DENND5B: variants seen among roughly 807,000 people sequenced by gnomAD.
DENND5B encodes DENN domain-containing protein 5B.
In DENND5B, 34 loss-of-function variants were observed where a neutral mutation model predicts 140.6. The observed-to-expected ratio is 0.24, with a 90% CI of 0.18 to 0.32. The LOEUF (loss-of-function observed/expected upper bound fraction) is 0.32. Ranked by LOEUF, DENND5B falls within the 10% of genes least tolerant of loss-of-function variation. The probability of loss-of-function intolerance (pLI) is 1.00; values close to 1 mark genes in which losing one functional copy is unlikely to be tolerated. For synonymous variants in DENND5B, 551 were observed against 562.1 expected (o/e 0.98, Z 0.28); for missense variants, 1,142 against 1,560.2 (o/e 0.73, Z 4.52).
intron 11 of DENND5B, among the ~76,000 whole-genome samples, chr12:31,418,589 C>T (rs929025890): frequency 1.3e-5 from 2 of 151,852 alleles, no homozygotes; most frequent in Non-Finnish European, 2.9e-5. Context: ...CCATCACACC[C>T]GGCCACAGCT....
intron 1 of DENND5B, among the ~76,000 whole-genome samples, chr12:31,565,719 G>C (rs1397934679): frequency 6.6e-6 from 1 of 152,176 alleles, no homozygotes; most frequent in African/African-American, 2.4e-5. Flanking sequence ...GCCTGGATTT[G>C]GACCCAGAAG....
At chr12:31,558,166 T>C (rs1419473844) in intron 1 of DENND5B, among the ~76,000 whole-genome samples, 1 of 152,200 alleles carries the variant, frequency 6.6e-6, no homozygotes, top group Non-Finnish European at 1.5e-5. Flanking sequence ...TCTAAAATAA[T>C]GTAGACGTGT....
At chr12:31,532,781 C>A (rs182208393) in intron 1 of DENND5B, among the ~76,000 whole-genome samples, 83 of 152,298 alleles carry the variant, frequency 5.4e-4, no homozygotes, top group Admixed American at 5.4e-3. Flanking sequence ...TGTTCAAAAA[C>A]GGAAGGCTGG....
chr12:31,528,869 A>G (rs1331132002), intron 1 of DENND5B, among the ~76,000 whole-genome samples: 2 of 152,126 alleles, frequency 1.3e-5, no homozygotes, highest in African/African-American at 4.8e-5. Context: ...GGATCATATT[A>G]AAGTCATGAG....
intron 7 of DENND5B, among the ~76,000 whole-genome samples, chr12:31,439,550 C>T (rs1299910913): frequency 6.6e-6 from 1 of 151,740 alleles, no homozygotes; most frequent in Non-Finnish European, 1.5e-5. Context: ...TTAATAAACT[C>T]GTGGTGACTA....
chr12:31,488,689 C>T (rs1311752898), intron 2 of DENND5B, among the ~76,000 whole-genome samples: 1 of 152,208 alleles, frequency 6.6e-6, no homozygotes, highest in Non-Finnish European at 1.5e-5. Context: ...AAGATACTTT[C>T]TCAGAAAACC....
intron 1 of DENND5B, among the ~76,000 whole-genome samples, chr12:31,512,736 C>T (rs1947478123): frequency 6.6e-6 from 1 of 152,070 alleles, no homozygotes. Context: ...ATTGGTCAAA[C>T]TCATTTCATT....
chr12:31,586,472 A>G (rs1282880160), intron 1 of DENND5B, among the ~76,000 whole-genome samples: 1 of 152,196 alleles, frequency 6.6e-6, no homozygotes, highest in Non-Finnish European at 1.5e-5. Flanking sequence ...CATCACCATA[A>G]AGTTTCTAAG....
At chr12:31,401,820 C>G (rs996709344) in intron 15 of DENND5B, among the ~76,000 whole-genome samples, 1 of 152,052 alleles carries the variant, frequency 6.6e-6, no homozygotes, top group Non-Finnish European at 1.5e-5. Flanking sequence ...TGGAGTCTCA[C>G]CATGTTGCCC....
At chr12:31,525,027 G>T (rs1017879241) in intron 1 of DENND5B, among the ~76,000 whole-genome samples, 3 of 152,096 alleles carry the variant, frequency 2.0e-5, no homozygotes, top group African/African-American at 7.2e-5. Context: ...AAACCACAAT[G>T]AGATACCACT....
At chr12:31,565,206 A>G (rs1379006483) in intron 1 of DENND5B, among the ~76,000 whole-genome samples, 1 of 152,030 alleles carries the variant, frequency 6.6e-6, no homozygotes, top group African/African-American at 2.4e-5. Flanking sequence ...CAGCCTGGGC[A>G]ACATGGCAAA....
intron 11 of DENND5B, among the ~76,000 whole-genome samples, chr12:31,420,261 TG>T (rs950970254): frequency 5.8e-4 from 89 of 152,164 alleles, no homozygotes; most frequent in African/African-American, 2.0e-3. Flanking sequence ...CCCAAGCATC[TG>T]GGACCACAAG....
intron 1 of DENND5B, among the ~76,000 whole-genome samples, chr12:31,510,855 A>G (rs551764066): frequency 1.3e-5 from 2 of 152,266 alleles, no homozygotes; most frequent in African/African-American, 4.8e-5. Flanking sequence ...CCCAGAAGAC[A>G]ATGTTTGGGA....
chr12:31,507,080 C>T (rs1296452797), intron 1 of DENND5B, among the ~76,000 whole-genome samples: 1 of 152,176 alleles, frequency 6.6e-6, no homozygotes, highest in Non-Finnish European at 1.5e-5. Flanking sequence ...TATCCAGAGG[C>T]CCATCATTAG....
intron 1 of DENND5B, among the ~76,000 whole-genome samples, chr12:31,497,405 T>C (rs947473534): frequency 6.6e-6 from 1 of 152,090 alleles, no homozygotes; most frequent in Non-Finnish European, 1.5e-5. Flanking sequence ...AGAAGAGAAA[T>C]TGTCAGACAT....
chr12:31,587,443 T>C (rs909479793), intron 1 of DENND5B, among the ~76,000 whole-genome samples: 19 of 151,218 alleles, frequency 1.3e-4, no homozygotes, highest in Admixed American at 3.3e-4. Context: ...GCAAATCTCG[T>C]TGGGCCTACC....
intron 1 of DENND5B, among the ~76,000 whole-genome samples, chr12:31,548,376 A>G (rs892052039): frequency 6.7e-6 from 1 of 148,260 alleles, no homozygotes; most frequent in African/African-American, 2.5e-5. Context: ...CTTAGGCAAC[A>G]TCTGTCTCAA....
chr12:31,590,576 G>T (rs1259473921), intron 1 of DENND5B, 130 bp downstream of exon 1: 4 of 1,144,888 alleles, frequency 3.5e-6, no homozygotes, highest in Non-Finnish European at 4.5e-6. Context: ...CGCCAGTTCG[G>T]CCAGAAAGCG....
intron 19 of DENND5B, among the ~76,000 whole-genome samples, chr12:31,391,624 C>A (rs1390207416): frequency 6.6e-6 from 1 of 152,094 alleles, no homozygotes; most frequent in Non-Finnish European, 1.5e-5. Flanking sequence ...AAATGAAAAA[C>A]AAAGACAATA....
Sources: gnomAD v4.1 joint callset for allele counts (sites outside exome capture counted in the v4.1 genomes callset) on GRCh38, gnomAD v4.1.1 for gene constraint, MANE v1.5 for transcripts, NCBI Gene and HGNC (gene_info 2026-07-23, HGNC 2026-07-21) for gene names.